RAPGEF6: variants seen among roughly 807,000 people sequenced by gnomAD.
The protein encoded by RAPGEF6 is PDZ domain containing guanine nucleotide exchange factor (GEF) 2.
Under a neutral mutation model 171.4 loss-of-function variants are expected in RAPGEF6, and 56 were observed. The observed-to-expected ratio is 0.33, with a 90% CI of 0.26 to 0.41. The LOEUF (loss-of-function observed/expected upper bound fraction) is 0.41, where lower values mean the gene tolerates loss of function less well. Ranked by LOEUF, RAPGEF6 falls within the 10% of genes least tolerant of loss-of-function variation. The pLI, the probability that RAPGEF6 is intolerant of heterozygous loss-of-function variation, is 1.00. For missense variants in RAPGEF6, 1,674 were observed against 1,921.4 expected (o/e 0.87, Z 2.41); for synonymous variants, 692 against 650.1 (o/e 1.06, Z -0.98).
chr5:131,632,301 T>A (rs892085155), intron 1 of RAPGEF6, among the ~76,000 whole-genome samples: 1 of 152,156 alleles, frequency 6.6e-6, no homozygotes, highest in Non-Finnish European at 1.5e-5. Context: ...GCTCTCAACA[T>A]AGGGCCTTTG....
In RAPGEF6 at chr5:131,495,605, T is replaced by A; in HGVS notation, c.1475A>T (p.Asp492Val). ...CTCTAGAAATCGAGTCATAGCAGGG[T>A]CACCTTCAAAATCATTAAAATGATT... ...VNNHFNDFEG[D>V]PAMTRFLEEF... Residue 492 changes from aspartate (D) to valine (V), a missense_variant, in exon 13 of 28, where the codon GAC becomes GTC. By Grantham distance (152) the Asp-to-Val change is radical. Transcript: ENST00000509018. The A allele has an allele frequency of 1.2e-6, 2 of 1,613,726 alleles. No individual in the cohort carries two copies. The highest frequency in any genetic ancestry group is 1.7e-6 in the Non-Finnish European group (2 of 1,179,854).
At chr5:131,539,317 A>G (rs1759980251) in intron 6 of RAPGEF6, among the ~76,000 whole-genome samples, 1 of 152,228 alleles carries the variant, frequency 6.6e-6, no homozygotes, top group Non-Finnish European at 1.5e-5. Context: ...AAAGTTCACA[A>G]TGTTAACAAG....
chr5:131,587,520 CAT>C (rs141777437), intron 4 of RAPGEF6, among the ~76,000 whole-genome samples: 2,815 of 152,266 alleles, frequency 0.018, 89 homozygotes, highest in African/African-American at 0.064. Flanking sequence ...AACTCACTAA[CAT>C]GTAGATTTAT....
intron 4 of RAPGEF6, among the ~76,000 whole-genome samples, chr5:131,580,037 A>C (rs1382244888): frequency 6.6e-6 from 1 of 152,122 alleles, no homozygotes; most frequent in Non-Finnish European, 1.5e-5. Context: ...GCGCGCCTGC[A>C]CTCCTCAGCC....
At chr5:131,544,831 C>T (rs966282002) in intron 6 of RAPGEF6, among the ~76,000 whole-genome samples, 6 of 152,146 alleles carry the variant, frequency 3.9e-5, no homozygotes, top group Admixed American at 2.0e-4. Flanking sequence ...TACAGGCAAG[C>T]GCCACCATGT....
At chr5:131,532,621 C>CATTGT (rs1330091031) in intron 6 of RAPGEF6, among the ~76,000 whole-genome samples, 1 of 151,832 alleles carries the variant, frequency 6.6e-6, no homozygotes, top group Admixed American at 6.6e-5. Flanking sequence ...CAAAAGCAAA[C>CATTGT]ATTGTATCCT....
chr5:131,609,774 A>G (rs972341520), intron 1 of RAPGEF6, among the ~76,000 whole-genome samples: 1 of 152,222 alleles, frequency 6.6e-6, no homozygotes, highest in Non-Finnish European at 1.5e-5. Context: ...CCAGTAGTTC[A>G]TTTCACAGTG....
Position 131,635,165 on chromosome 5 carries a change from C to T in RAPGEF6, c.-135G>A. 1 of 915,342 alleles carries T rather than the reference C, an allele frequency of 1.1e-6. No homozygotes were observed. 56.7% of individuals were successfully genotyped at this position (915,342 alleles called of 1,614,324 possible). A position where few individuals can be genotyped will look rare whatever the true frequency, so the allele number is the denominator to read the frequency against. ...CGCCGTAACAAGGTCCGAACTCTAG[C>T]AAACAACCCTTCGCAACGCCCGCCT... is the stretch of plus-strand genomic sequence containing the variant. On this transcript the variant is annotated 5_prime_UTR_variant, in exon 1 of 28. Coordinates refer to ENST00000509018, the MANE Select transcript of RAPGEF6 (RefSeq NM_016340.6).
chr5:131,582,012 T>C (rs1762998290), intron 4 of RAPGEF6, among the ~76,000 whole-genome samples: 1 of 152,062 alleles, frequency 6.6e-6, no homozygotes, highest in Admixed American at 6.5e-5. Flanking sequence ...CGGCAAAAAA[T>C]TGCTCCTAAC....
chr5:131,544,740 C>A (rs1223647706), intron 6 of RAPGEF6, among the ~76,000 whole-genome samples: 1 of 152,074 alleles, frequency 6.6e-6, no homozygotes, highest in Non-Finnish European at 1.5e-5. Context: ...TGGAGTGCAG[C>A]GGCATGACCT....
chr5:131,489,137 G>A (rs1279032400), intron 15 of RAPGEF6, among the ~76,000 whole-genome samples: 1 of 152,070 alleles, frequency 6.6e-6, no homozygotes, highest in Non-Finnish European at 1.5e-5. Flanking sequence ...AGCTAATCTG[G>A]CATTCATATT....
At chr5:131,602,626 C>T (rs189397016) in intron 3 of RAPGEF6, among the ~76,000 whole-genome samples, 9 of 152,096 alleles carry the variant, frequency 5.9e-5, no homozygotes, top group Non-Finnish European at 7.4e-5. Context: ...CCAGGCATGG[C>T]GGCTAATGCC....
At chr5:131,538,106 C>A (rs1222506654) in intron 6 of RAPGEF6, among the ~76,000 whole-genome samples, 6 of 151,662 alleles carry the variant, frequency 4.0e-5, no homozygotes, top group East Asian at 3.9e-4. Flanking sequence ...CCTAAAAAAC[C>A]AAAAACAAAA....
chr5:131,547,823 A>G (rs895197023), intron 6 of RAPGEF6, among the ~76,000 whole-genome samples: 2 of 151,800 alleles, frequency 1.3e-5, no homozygotes, highest in Non-Finnish European at 2.9e-5. Flanking sequence ...AACTTTTTTC[A>G]CTATTTAAAC....
At chr5:131,439,736 G>A (rs560801384) in intron 23 of RAPGEF6, 21 bp from the exon 24 acceptor site, 27 of 1,606,776 alleles carry the variant, frequency 1.7e-5, no homozygotes, top group Middle Eastern at 2.2e-4. Flanking sequence ...AACCAAAGAT[G>A]CAAATAAGCA....
chr5:131,611,500 C>T (rs1010071321), intron 1 of RAPGEF6, among the ~76,000 whole-genome samples: 2 of 152,016 alleles, frequency 1.3e-5, no homozygotes, highest in African/African-American at 2.4e-5. Context: ...GGTGAAACCC[C>T]GTCTCTACTA....
At chr5:131,551,466 C>G (rs563218042) in intron 5 of RAPGEF6, among the ~76,000 whole-genome samples, 5 of 146,514 alleles carry the variant, frequency 3.4e-5, no homozygotes, top group African/African-American at 5.1e-5. Context: ...GAGCAGAGAT[C>G]GTGTCACTGC....
At chr5:131,494,151 T>C (rs537551349) in intron 13 of RAPGEF6, among the ~76,000 whole-genome samples, 7 of 152,372 alleles carry the variant, frequency 4.6e-5, no homozygotes, top group Non-Finnish European at 1.0e-4. Flanking sequence ...AACTAGGAAC[T>C]ACTATCTTTA....
chr5:131,503,596 A>G (rs1757162794), intron 11 of RAPGEF6, among the ~76,000 whole-genome samples: 1 of 152,196 alleles, frequency 6.6e-6, no homozygotes, highest in Non-Finnish European at 1.5e-5. Context: ...CCCTCATATT[A>G]TTAAGTAAAC....
Sources: allele counts gnomAD v4.1 joint callset (sites outside exome capture counted in the v4.1 genomes callset), GRCh38; gene constraint gnomAD v4.1.1; transcripts MANE v1.5; gene names NCBI Gene and HGNC (gene_info 2026-07-23, HGNC 2026-07-21).